The following TSHR variants were observed in gnomAD, a reference collection of about 807,000 sequenced individuals.
TSHR encodes the protein thyroid stimulating hormone receptor.
In TSHR, 51 loss-of-function variants were observed where a neutral mutation model predicts 64.1. The ratio of observed to expected loss-of-function variants is 0.80; its 90% confidence interval spans 0.64 to 1.01. The LOEUF (loss-of-function observed/expected upper bound fraction) is 1.01, where lower values mean the gene tolerates loss of function less well. Among genes scored for constraint, TSHR ranks in the 50% least tolerant of loss-of-function variants. The pLI, the probability that TSHR is intolerant of heterozygous loss-of-function variation, is 0.00. For synonymous variants in TSHR, 361 were observed against 361.9 expected (o/e 1.00, Z 0.03); for missense variants, 877 against 942.8 (o/e 0.93, Z 0.91).
At position 81,144,770 on chromosome 14, in the gene TSHR, A is replaced by C; in HGVS notation, c.*417A>C. 1 of 262,360 alleles carries C rather than the reference A, an allele frequency of 3.8e-6. No individual in the cohort carries two copies. The highest frequency in any genetic ancestry group is 1.1e-4 in the South Asian group (1 of 9,070). 16.3% of individuals were successfully genotyped at this position (262,360 alleles called of 1,614,324 possible). A position where few individuals can be genotyped will look rare whatever the true frequency, so the allele number is the denominator to read the frequency against. ...TAATTTGGTTGGTGACCACAAGATA[A>C]AATCAGTCCCACGTTGGCTCAGTTC... On this transcript the variant is annotated 3_prime_UTR_variant, in exon 10 of 10. Coordinates refer to ENST00000298171, the MANE Select transcript of TSHR (RefSeq NM_000369.5).
At chr14:81,064,970 T>C (rs1886506627) in intron 2 of TSHR, among the ~76,000 whole-genome samples, 1 of 152,058 alleles carries the variant, frequency 6.6e-6, no homozygotes, top group African/African-American at 2.4e-5. Context: ...TGTAGGACTT[T>C]CTCCTTAGTT....
intron 1 of TSHR, among the ~76,000 whole-genome samples, chr14:81,025,081 T>C (rs1407996581): frequency 6.6e-6 from 1 of 152,242 alleles, no homozygotes; most frequent in African/African-American, 2.4e-5. Context: ...ATACAGTATG[T>C]ACAGTTAATT....
intron 8 of TSHR, among the ~76,000 whole-genome samples, chr14:81,110,940 CT>C (rs895432378): frequency 6.6e-6 from 1 of 152,028 alleles, no homozygotes; most frequent in African/African-American, 2.4e-5. Flanking sequence ...ATTGCTTTTG[CT>C]TTTATGAAAC....
chr14:80,983,307 C>A, intron 1 of TSHR: 1 of 1,121,958 alleles, frequency 8.9e-7, no homozygotes, highest in Non-Finnish European at 1.3e-6. Context: ...TGATTTTGTC[C>A]ATCACTACAT....
At chr14:80,996,124 A>G (rs1251234846) in intron 1 of TSHR, among the ~76,000 whole-genome samples, 1 of 152,168 alleles carries the variant, frequency 6.6e-6, no homozygotes, top group African/African-American at 2.4e-5. Context: ...TTCCCTTATA[A>G]TTATAATACA....
intron 8 of TSHR, among the ~76,000 whole-genome samples, chr14:81,114,536 C>T (rs1473077484): frequency 3.9e-5 from 6 of 152,236 alleles, no homozygotes; most frequent in Non-Finnish European, 8.8e-5. Context: ...CCTACGCCCA[C>T]GGAGTCTCCC....
chr14:81,008,115 A>G lies in TSHR; in HGVS notation c.170+52265A>G, dbSNP rs532998507. Among the ~76,000 whole-genome samples the G allele has an allele frequency of 3.9e-5, 6 of 151,952 alleles. No individual in the cohort carries two copies. In the East Asian group the frequency reaches 1.2e-3, roughly 29 times the overall value. The stretch of plus-strand genomic sequence containing the variant: ...GTTGGTCATAAAGCAATACTCAATA[A>G]TTTTGTTGATTGCTGATCAGTTACT... On this transcript the variant is annotated intron_variant, in intron 1 of 9. Transcript: ENST00000298171.
Position 81,145,120 on chromosome 14 carries a change from T to C in TSHR, c.*767T>C, listed in dbSNP as rs1353082227. On this transcript the variant is annotated 3_prime_UTR_variant, in exon 10 of 10. Transcript: ENST00000298171. ...GTGAACTCTAGGAAGTCTTTCTGAG[T>C]AGCAATAAGTGGGAATTATGGGCAG... is the stretch of plus-strand genomic sequence containing the variant. 2 of 233,050 alleles carry C rather than the reference T, an allele frequency of 8.6e-6. No homozygotes were observed. The highest frequency in any genetic ancestry group is 1.7e-5 in the Non-Finnish European group (2 of 118,010). The allele number at this position is 233,050 out of a possible 1,614,324, so 14.4% of individuals were successfully genotyped here.
intron 8 of TSHR, among the ~76,000 whole-genome samples, chr14:81,122,075 G>T (rs1890824621): frequency 6.4e-5 from 4 of 62,196 alleles, no homozygotes; most frequent in Admixed American, 2.8e-4. Context: ...ACGAAGTCTT[G>T]CTCTGTCACC....
At chr14:81,067,927 C>CTATA (rs10528934) in intron 2 of TSHR, among the ~76,000 whole-genome samples, 18,939 of 95,398 alleles carry the variant, frequency 0.2, 2,417 homozygotes, top group Non-Finnish European at 0.24. Flanking sequence ...CAGGGTGACA[C>CTATA]TATATATATA....
At chr14:81,029,715 A>G (rs1417520546) in intron 1 of TSHR, among the ~76,000 whole-genome samples, 2 of 152,148 alleles carry the variant, frequency 1.3e-5, no homozygotes. Context: ...CAGTTAATCA[A>G]AGCATTTGAC....
chr14:80,970,909 G>A (rs179253), intron 1 of TSHR, among the ~76,000 whole-genome samples: 129,546 of 152,194 alleles, frequency 0.85, 55,837 homozygotes, highest in East Asian at 1. Flanking sequence ...AGCTTGGCTT[G>A]TGGCAACCTC....
At chr14:81,112,439 C>T (rs1890264810) in intron 8 of TSHR, among the ~76,000 whole-genome samples, 2 of 152,096 alleles carry the variant, frequency 1.3e-5, no homozygotes, top group African/African-American at 4.8e-5. Context: ...TCTATATCTT[C>T]TCCTTTGGTT....
chr14:80,996,396 T>A (rs1043324042), intron 1 of TSHR, among the ~76,000 whole-genome samples: 3 of 152,168 alleles, frequency 2.0e-5, no homozygotes, highest in African/African-American at 7.2e-5. Context: ...TATTCATTTT[T>A]TTAAAACTTT....
intron 1 of TSHR, among the ~76,000 whole-genome samples, chr14:81,006,315 T>G (rs563197680): frequency 1.2e-4 from 19 of 152,244 alleles, no homozygotes; most frequent in African/African-American, 3.9e-4. Flanking sequence ...GATCAAGGTG[T>G]AGACCAAGAT....
intron 1 of TSHR, among the ~76,000 whole-genome samples, chr14:80,981,329 T>C (rs1888155389): frequency 6.6e-6 from 1 of 152,156 alleles, no homozygotes; most frequent in African/African-American, 2.4e-5. Context: ...TCAAGAAGGT[T>C]TTTTTAAAAA....
chr14:81,103,528 G>A lies in TSHR; in HGVS notation c.615-4847G>A, dbSNP rs932536212. ...AGCCAAGCTGGACAAATTCCACATC[G>A]AGTGCAAGTGCTGATGCCTCAGCAG... On this transcript the variant is annotated intron_variant, in intron 7 of 9. Transcript: ENST00000298171. This position sits in a 1 kb window ranked among gnomAD's most constrained non-coding sequence, Gnocchi z 4.1. The A allele has an allele frequency of 1.1e-5, 11 of 985,350 alleles. No individual in the cohort carries two copies. In the African/African-American group the frequency reaches 1.4e-4, roughly 13 times the overall value. 61.0% of individuals were successfully genotyped at this position (985,350 alleles called of 1,614,324 possible).
chr14:81,142,802 A>T (rs2140108245), intron 9 of TSHR, 138 bp from the exon 10 acceptor site: 1 of 752,094 alleles, frequency 1.3e-6, no homozygotes, highest in South Asian at 1.4e-5. Flanking sequence ...TAGAGATGGG[A>T]TTTCACCATG....
chr14:81,114,621 A>C (rs964095512), intron 8 of TSHR, among the ~76,000 whole-genome samples: 90 of 152,128 alleles, frequency 5.9e-4, no homozygotes, highest in African/African-American at 1.9e-4. Context: ...CCACCATTGC[A>C]CAGGCGTGCT....
Sources: allele counts gnomAD v4.1 joint callset (sites outside exome capture counted in the v4.1 genomes callset), GRCh38; gene constraint gnomAD v4.1.1; non-coding constraint Gnocchi (gnomAD v3.1); transcripts MANE v1.5; gene names NCBI Gene and HGNC (gene_info 2026-07-23, HGNC 2026-07-21).